The following GREB1 variants were observed in gnomAD, a reference collection of about 807,000 sequenced individuals.
GREB1 encodes the protein protein GREB1.
GREB1 carries 106 observed loss-of-function variants against 200.7 expected under a neutral mutation model. That is an observed-to-expected ratio of 0.53 (90% confidence interval 0.45 to 0.62). The LOEUF is 0.62. Ranked by LOEUF, GREB1 falls within the 20% of genes least tolerant of loss-of-function variation. The probability of loss-of-function intolerance (pLI) is 0.00; values close to 1 mark genes in which losing one functional copy is unlikely to be tolerated. For synonymous variants in GREB1, 1,132 were observed against 1,092.4 expected, an observed-to-expected ratio of 1.04 and a Z score of -0.72; for missense variants, 2,243 against 2,556.8, an observed-to-expected ratio of 0.88 and a Z score of 2.65.
intron 18 of GREB1, among the ~76,000 whole-genome samples, chr2:11,611,776 C>T (rs1331296895): frequency 1.3e-5 from 2 of 152,294 alleles, no homozygotes; most frequent in African/African-American, 2.4e-5. Flanking sequence ...CAGCGCCTGG[C>T]CCATAGTAGG....
intron 6 of GREB1, among the ~76,000 whole-genome samples, chr2:11,579,689 A>G (rs895734936): frequency 6.6e-6 from 1 of 152,096 alleles, no homozygotes; most frequent in Non-Finnish European, 1.5e-5. Flanking sequence ...AGCCTCTTAA[A>G]CCCACAGGAA....
At chr2:11,611,443 G>A (rs1682917018) in intron 18 of GREB1, among the ~76,000 whole-genome samples, 1 of 152,148 alleles carries the variant, frequency 6.6e-6, no homozygotes, top group Non-Finnish European at 1.5e-5. Flanking sequence ...CTCCTGAGTA[G>A]CTGGAACCAC....
chr2:11,511,497 G>A (rs1010987689), intron 1 of GREB1, among the ~76,000 whole-genome samples: 2 of 152,130 alleles, frequency 1.3e-5, no homozygotes, highest in African/African-American at 4.8e-5. Flanking sequence ...GGAAAGACTG[G>A]CTGGAACCAA....
chr2:11,618,977 AT>A, intron 22 of GREB1, 58 bp downstream of exon 22: 4 of 1,402,954 alleles, frequency 2.9e-6, no homozygotes, highest in Non-Finnish European at 3.7e-6. Context: ...TCACACTCCC[AT>A]CTGGAGGGCA....
intron 1 of GREB1, among the ~76,000 whole-genome samples, chr2:11,534,533 T>C (rs73189377): frequency 0.064 from 9,744 of 152,190 alleles, 1,124 homozygotes; most frequent in African/African-American, 0.22. Flanking sequence ...GTGGGGAGCG[T>C]GCGGCTTTCA....
At chr2:11,505,567 G>T (rs1673162217) in intron 1 of GREB1, among the ~76,000 whole-genome samples, 1 of 152,162 alleles carries the variant, frequency 6.6e-6, no homozygotes, top group Non-Finnish European at 1.5e-5. Context: ...TTCAGGCTGG[G>T]TACAGTGGCT....
intron 9 of GREB1, among the ~76,000 whole-genome samples, chr2:11,586,598 C>T (rs1000203765): frequency 2.6e-5 from 4 of 152,162 alleles, no homozygotes; most frequent in Non-Finnish European, 5.9e-5. Flanking sequence ...CATACATACA[C>T]GCGTGGGCAC....
chr2:11,616,366 C>A (rs569853417), intron 20 of GREB1, among the ~76,000 whole-genome samples: 1 of 152,274 alleles, frequency 6.6e-6, no homozygotes, highest in East Asian at 1.9e-4. Flanking sequence ...CGACCCCTCT[C>A]TCTTTGCATC....
intron 15 of GREB1, among the ~76,000 whole-genome samples, 171 bp downstream of exon 15, chr2:11,599,031 C>G (rs1681520306): frequency 1.3e-5 from 2 of 152,156 alleles, no homozygotes; most frequent in Admixed American, 6.5e-5. Context: ...TGGAAGTTAT[C>G]TCAGGGATTA....
intron 1 of GREB1, among the ~76,000 whole-genome samples, chr2:11,536,874 T>A (rs1279356484): frequency 6.6e-6 from 1 of 152,224 alleles, no homozygotes; most frequent in Non-Finnish European, 1.5e-5. Flanking sequence ...TACATCAATT[T>A]TAAAAGTTAG....
At chr2:11,494,635 A>C (rs1323371512) in intron 1 of GREB1, among the ~76,000 whole-genome samples, 12 of 152,092 alleles carry the variant, frequency 7.9e-5, no homozygotes, top group Admixed American at 5.2e-4. Flanking sequence ...AATGGGAGTG[A>C]TCTGAGTGGT....
intron 1 of GREB1, among the ~76,000 whole-genome samples, chr2:11,490,289 A>G (rs80250828): frequency 0.035 from 5,270 of 152,206 alleles, 307 homozygotes; most frequent in African/African-American, 0.11. Flanking sequence ...TGGATATTTC[A>G]TATAAATGGA....
At chr2:11,582,507 C>T (rs1263152089) in intron 7 of GREB1, among the ~76,000 whole-genome samples, 1 of 152,228 alleles carries the variant, frequency 6.6e-6, no homozygotes, top group Non-Finnish European at 1.5e-5. Context: ...ATTAAATCGC[C>T]TTTCTGAGGT....
rs114205175 is a variant in GREB1, at chr2:11,600,707, C to T, written c.2334-93C>T. Reference sequence around the variant, plus strand: ...CATAATCTTTAGTCGTTGGTAAAGTCAGGGGTTAGTTATAAATTTATTCAA... The same window carrying T: ...CATAATCTTTAGTCGTTGGTAAAGTTAGGGGTTAGTTATAAATTTATTCAA... On this transcript the variant is annotated intron_variant, in intron 15 of 32. Coordinates refer to ENST00000381486, the MANE Select transcript of GREB1 (RefSeq NM_014668.4). 5.7e-5 allele frequency: 56 copies of T among 980,624 alleles called. No individual in the cohort carries two copies. The African/African-American group carries it at 8.7e-4, about 15-fold the overall frequency. The allele number at this position is 980,624 out of a possible 1,614,324, so 60.7% of individuals were successfully genotyped here.
intron 16 of GREB1, among the ~76,000 whole-genome samples, chr2:11,601,882 T>G (rs1244201333): frequency 6.6e-6 from 1 of 152,254 alleles, no homozygotes; most frequent in Non-Finnish European, 1.5e-5. Context: ...CCCAGGCCAC[T>G]GGCTCCATGG....
At chr2:11,603,689 G>C (rs995221294) in intron 17 of GREB1, among the ~76,000 whole-genome samples, 4 of 152,246 alleles carry the variant, frequency 2.6e-5, no homozygotes, top group Non-Finnish European at 4.4e-5. Context: ...TGGATCGACA[G>C]CTGAGCTCTC....
chr2:11,562,668 T>C, intron 3 of GREB1, 86 bp downstream of exon 3: 1 of 1,414,610 alleles, frequency 7.1e-7, no homozygotes, highest in African/African-American at 1.5e-5. Context: ...CCTGTGACTG[T>C]GTGCTGCAGG....
chr2:11,554,361 ATCTT>A (rs1027698780), intron 1 of GREB1, among the ~76,000 whole-genome samples: 2 of 152,224 alleles, frequency 1.3e-5, no homozygotes, highest in Non-Finnish European at 2.9e-5. Context: ...GAAAGGCTGA[ATCTT>A]TCTTACAATA....
upstream of GREB1, among the ~76,000 whole-genome samples, chr2:11,532,799 A>AT (rs1395531412): frequency 1.3e-5 from 2 of 152,130 alleles, no homozygotes; most frequent in Admixed American, 1.3e-4. Flanking sequence ...CCTGTTAGGG[A>AT]TATGGCTTGT....
Sources: gnomAD v4.1 joint callset for allele counts (sites outside exome capture counted in the v4.1 genomes callset) on GRCh38, gnomAD v4.1.1 for gene constraint, MANE v1.5 for transcripts, NCBI Gene and HGNC (gene_info 2026-07-23, HGNC 2026-07-21) for gene names.